Variants in ATP2C1 observed in about 807,000 individuals in gnomAD.
ATP2C1 encodes the protein ATPase secretory pathway Ca2+ transporting 1, also known as calcium-transporting ATPase type 2C member 1.
In ATP2C1, 31 loss-of-function variants were observed where a neutral mutation model predicts 120.5. The observed-to-expected ratio is 0.26, with a 90% CI of 0.19 to 0.35. The LOEUF is 0.35. Among genes scored for constraint, ATP2C1 ranks in the 10% least tolerant of loss-of-function variants. ATP2C1 has a pLI of 1.00. For synonymous variants in ATP2C1, 351 were observed against 358.7 expected (o/e 0.98, Z 0.24); for missense variants, 731 against 1,107.5 (o/e 0.66, Z 4.83).
intron 1 of ATP2C1, among the ~76,000 whole-genome samples, chr3:130,882,886 TC>T (rs1222158675): frequency 6.6e-6 from 1 of 152,240 alleles, no homozygotes; most frequent in Non-Finnish European, 1.5e-5. Context: ...AAGTATTCCC[TC>T]CTCCTCTATT....
At position 131,001,754 on chromosome 3, in the gene ATP2C1, A is replaced by G; in HGVS notation, c.*404A>G. The G allele has an allele frequency of 1.0e-6, 1 of 981,166 alleles. No homozygotes were observed. The highest frequency in any genetic ancestry group is 6.1e-5 in the Admixed American group (1 of 16,304). 60.8% of individuals were successfully genotyped at this position (981,166 alleles called of 1,614,324 possible). On this transcript the variant is annotated 3_prime_UTR_variant, in exon 28 of 28. Coordinates refer to ENST00000510168, the MANE Select transcript of ATP2C1 (RefSeq NM_001378687.1). ...GTGGGGCTTTCTTACTAATACACAA[A>G]TAAATTTAATCATTTCAAAGGCATT...
intron 2 of ATP2C1, among the ~76,000 whole-genome samples, chr3:130,901,976 G>C (rs887772283): frequency 1.3e-5 from 2 of 151,978 alleles, no homozygotes; most frequent in Non-Finnish European, 2.9e-5. Flanking sequence ...GCTACAATCC[G>C]TAAGACAGCA....
intron 2 of ATP2C1, chr3:130,918,079 C>T (rs1034789181): frequency 2.4e-5 from 14 of 578,922 alleles, no homozygotes; most frequent in African/African-American, 1.3e-4. Context: ...TCCCTTCCTA[C>T]GAGTTAGCCA....
intron 20 of ATP2C1, among the ~76,000 whole-genome samples, chr3:130,982,700 T>C (rs1576984971): frequency 6.6e-6 from 1 of 152,230 alleles, no homozygotes; most frequent in East Asian, 1.9e-4. Context: ...CAACTTCAAG[T>C]TATATATTCA....
At position 130,940,866 on chromosome 3, in the gene ATP2C1, T is replaced by G. The variant is rs150618615; in HGVS notation, c.422+175T>G. ...AGCAAAACTGTACCATTGAAAACTT[T>G]AAAATCCGAGATTCTAGAGACATGG... On this transcript the variant is annotated intron_variant, in intron 7 of 27. Transcript: ENST00000510168. 6.0e-5 allele frequency among the ~76,000 whole-genome samples: 9 copies of G among 149,888 alleles called. No homozygotes were observed. The East Asian group carries it at 1.6e-3, about 26-fold the overall frequency.
chr3:130,918,585 CTG>C, intron 2 of ATP2C1: 1 of 722,548 alleles, frequency 1.4e-6, no homozygotes, highest in East Asian at 2.7e-5. Context: ...TGGCCATAAA[CTG>C]TAGCCTTTTG....
chr3:130,907,122 G>A (rs1196459651), intron 2 of ATP2C1, among the ~76,000 whole-genome samples: 1 of 151,614 alleles, frequency 6.6e-6, no homozygotes, highest in Non-Finnish European at 1.5e-5. Context: ...TCTGGATACT[G>A]GATAGGAATA....
chr3:130,980,642 C>T lies in ATP2C1; in HGVS notation c.1802C>T (p.Ala601Val). The T allele has an allele frequency of 1.2e-6, 2 of 1,613,360 alleles. No homozygotes were observed. Among genetic ancestry groups the T allele is most frequent in the Non-Finnish European group, 1.7e-6 (2 of 1,179,494 alleles). The part of the protein sequence containing the change: ...SQSVSGEEID[A>V]MDVQQLSQIV... Reference sequence around the variant, plus strand: ...TCAGTCTCAGGAGAAGAAATAGATGCAATGGATGTTCAGCAGCTTTCACAA... The same window carrying T: ...TCAGTCTCAGGAGAAGAAATAGATGTAATGGATGTTCAGCAGCTTTCACAA... The change falls in exon 20 of 28, where the codon GCA (alanine) becomes GTA (valine). Residue 601 changes from alanine (A) to valine (V), a missense_variant. Ala to Val is a moderately conservative substitution (Grantham distance 64). Around this residue, in one of 3 missense-constraint regions of ATP2C1, gnomAD observed 571 missense variants for 845.9 expected, o/e 0.67. Coordinates refer to ENST00000510168, the MANE Select transcript of ATP2C1 (RefSeq NM_001378687.1).
intron 5 of ATP2C1, 71 bp from the exon 6 acceptor site, chr3:130,937,357 A>G: frequency 5.2e-6 from 7 of 1,350,190 alleles, no homozygotes; most frequent in Non-Finnish European, 7.4e-6. Context: ...AGATAGTTAG[A>G]AAAATAAAAT....
chr3:130,859,469 A>G (rs1027731950), intron 1 of ATP2C1, among the ~76,000 whole-genome samples: 1 of 152,248 alleles, frequency 6.6e-6, no homozygotes, highest in Non-Finnish European at 1.5e-5. Flanking sequence ...AGCTAAATAT[A>G]CATAGCAGTC....
chr3:130,854,115 A>T lies in ATP2C1; in HGVS notation c.108+3187A>T, dbSNP rs1488248204. On this transcript the variant is annotated intron_variant, in intron 1 of 26. Coordinates refer to the ATP2C1 transcript ENST00000504381. Reference sequence around the variant, plus strand: ...TGGTGGTGGTAGTGTTATTCCTGTGATACAGCCATCAATAGGTTGGTAGGT... The same window carrying T: ...TGGTGGTGGTAGTGTTATTCCTGTGTTACAGCCATCAATAGGTTGGTAGGT... 2.0e-5 allele frequency: 3 copies of T among 152,312 alleles called. No homozygotes were observed. The East Asian group carries it at 5.8e-4, about 29-fold the overall frequency. The allele number at this position is 152,312 out of a possible 1,614,324, so 9.4% of individuals were successfully genotyped here.
chr3:130,920,002 C>A (rs977590176), intron 2 of ATP2C1, among the ~76,000 whole-genome samples: 4 of 152,154 alleles, frequency 2.6e-5, no homozygotes, highest in African/African-American at 7.2e-5. Flanking sequence ...GGAGAAATGT[C>A]TGTTGATGTC....
chr3:130,902,297 G>GTTTTTTTTTTTTTTTTTTTTT (rs398052267), intron 2 of ATP2C1, among the ~76,000 whole-genome samples: 4 of 13,246 alleles, frequency 3.0e-4, no homozygotes, highest in African/African-American at 4.1e-4. Context: ...TTTTTTTTTT[G>GTTTTTTTTTTTTTTTTTTTTT]TTTTTTTTTT....
At chr3:131,005,264 C>T (rs1423720964), downstream of ATP2C1, among the ~76,000 whole-genome samples, 1 of 151,824 alleles carries the variant, frequency 6.6e-6, no homozygotes, top group East Asian at 1.9e-4. Flanking sequence ...TACAGGTGCA[C>T]ACCACCATGT....
intron 17 of ATP2C1, among the ~76,000 whole-genome samples, chr3:130,973,342 G>T (rs1464393420): frequency 6.6e-6 from 1 of 152,120 alleles, no homozygotes; most frequent in African/African-American, 2.4e-5. Flanking sequence ...GGGAGAATTC[G>T]AAGAGCTTCT....
intron 1 of ATP2C1, among the ~76,000 whole-genome samples, chr3:130,887,136 A>T (rs1255198260): frequency 2.0e-5 from 3 of 152,186 alleles, no homozygotes; most frequent in Non-Finnish European, 2.9e-5. Flanking sequence ...TCTCTGTATT[A>T]TGAGGCAGAG....
chr3:130,963,704 G>C, intron 12 of ATP2C1: 1 of 436,482 alleles, frequency 2.3e-6, no homozygotes, highest in Non-Finnish European at 4.3e-6. Context: ...AGTAGCCCAG[G>C]ATCACACAAG....
At chr3:130,962,629 T>C (rs1013209277) in intron 12 of ATP2C1, among the ~76,000 whole-genome samples, 1 of 149,858 alleles carries the variant, frequency 6.7e-6, no homozygotes, top group Non-Finnish European at 1.5e-5. Context: ...AAAGTTTTGC[T>C]AAGATGACTT....
At chr3:130,867,293 A>C (rs2068209988) in intron 1 of ATP2C1, among the ~76,000 whole-genome samples, 1 of 143,002 alleles carries the variant, frequency 7.0e-6, no homozygotes, top group Non-Finnish European at 1.5e-5. Flanking sequence ...AATAGAAATG[A>C]TTGTCCCTCT....
Sources: allele counts gnomAD v4.1 joint callset (sites outside exome capture counted in the v4.1 genomes callset), GRCh38; gene constraint gnomAD v4.1.1; regional missense constraint gnomAD v4.1.1; transcripts MANE v1.5; gene names NCBI Gene and HGNC (gene_info 2026-07-23, HGNC 2026-07-21).